LRP1B: variants seen among roughly 807,000 people sequenced by gnomAD.
LRP1B encodes the protein LDL receptor related protein 1B.
Under a neutral mutation model 556.6 loss-of-function variants are expected in LRP1B, and 217 were observed. That is an observed-to-expected ratio of 0.39 (90% CI 0.35 to 0.44). LRP1B has a LOEUF of 0.44. LRP1B is among the 20% of genes least tolerant of loss of function. The pLI is 1.00. For synonymous variants in LRP1B, 2,047 were observed against 1,865.8 expected (o/e 1.10, Z -2.50); for missense variants, 5,053 against 5,620.8 (o/e 0.90, Z 3.23).
chr2:141,822,390 A>G (rs1574400574), intron 1 of LRP1B, among the ~76,000 whole-genome samples: 1 of 152,290 alleles, frequency 6.6e-6, no homozygotes, highest in East Asian at 1.9e-4. Context: ...ATATACTACC[A>G]TGTTAAGGAA....
At chr2:141,564,222 A>G (rs1686256873) in intron 2 of LRP1B, among the ~76,000 whole-genome samples, 1 of 152,052 alleles carries the variant, frequency 6.6e-6, no homozygotes, top group Non-Finnish European at 1.5e-5. Context: ...ACTATAAGAG[A>G]GATAATGTGG....
chr2:141,092,730 C>T lies in LRP1B; in HGVS notation c.1014-30457G>A, dbSNP rs1433441954. ...CAGGATCAAGTGGGGTCCCTGAAGT[C>T]AAGTGAAGGAAGTGTTTCAAGGAGG... On this transcript the variant is annotated intron_variant, in intron 7 of 90. Transcript: ENST00000389484. 3.9e-5 allele frequency among the ~76,000 whole-genome samples: 6 copies of T among 152,130 alleles called. No homozygotes were observed. The East Asian group carries it at 1.2e-3, about 29-fold the overall frequency.
At chr2:140,921,924 ATTTGTACTT>A (rs1201197675) in intron 21 of LRP1B, among the ~76,000 whole-genome samples, 4 of 151,918 alleles carry the variant, frequency 2.6e-5, no homozygotes, top group Admixed American at 2.0e-4. Context: ...ACAACTTCTT[ATTTGTACTT>A]TTTGTTAGAA....
At chr2:141,113,383 C>A (rs1164922570) in intron 7 of LRP1B, among the ~76,000 whole-genome samples, 1 of 152,066 alleles carries the variant, frequency 6.6e-6, no homozygotes, top group Non-Finnish European at 1.5e-5. Context: ...GGGTGACTTG[C>A]CTTAAAACAA....
intron 2 of LRP1B, among the ~76,000 whole-genome samples, chr2:141,512,862 C>A (rs529597069): frequency 1.3e-5 from 2 of 152,150 alleles, no homozygotes; most frequent in Non-Finnish European, 2.9e-5. Flanking sequence ...ACATTCAAAT[C>A]TTTAAAATCA....
At position 140,301,663 on chromosome 2, in the gene LRP1B, A is replaced by G. The variant is rs1044290216; in HGVS notation, c.12806-3694T>C. Among the ~76,000 whole-genome samples, 12 of 152,090 alleles carry G rather than the reference A, an allele frequency of 7.9e-5. No homozygotes were observed. In the East Asian group the frequency reaches 1.3e-3, roughly 17 times the overall value. ...CTCAGAAAACAGGCCAGAATGCTCA[A>G]TGTGAATGTATTCCTCATATAAACT... is the stretch of plus-strand genomic sequence containing the variant. On this transcript the variant is annotated intron_variant, in intron 83 of 90. Coordinates refer to ENST00000389484, the MANE Select transcript of LRP1B (RefSeq NM_018557.3).
chr2:141,875,830 C>T (rs570882313), intron 1 of LRP1B, among the ~76,000 whole-genome samples: 98 of 151,724 alleles, frequency 6.5e-4, no homozygotes, highest in Non-Finnish European at 1.3e-3. Flanking sequence ...TGTATGTATG[C>T]GTATGTGTAG....
chr2:141,055,824 G>A (rs1699166078), intron 9 of LRP1B, among the ~76,000 whole-genome samples: 1 of 151,436 alleles, frequency 6.6e-6, no homozygotes, highest in African/African-American at 2.4e-5. Flanking sequence ...GTGTGTGTGT[G>A]TGTGTGTGTG....
At chr2:140,813,611 C>T (rs1691002880) in intron 32 of LRP1B, 46 bp downstream of exon 32, 5 of 1,576,782 alleles carry the variant, frequency 3.2e-6, no homozygotes, top group Non-Finnish European at 4.3e-6. Context: ...ATAAATCAAC[C>T]CCCAATCAAT....
chr2:141,677,611 TC>T (rs1690935240), intron 2 of LRP1B, among the ~76,000 whole-genome samples: 1 of 152,142 alleles, frequency 6.6e-6, no homozygotes, highest in South Asian at 2.1e-4. Context: ...TGCCTCAGCC[TC>T]CCTAGTAGCT....
intron 1 of LRP1B, among the ~76,000 whole-genome samples, chr2:142,102,646 TC>T (rs1296743711): frequency 6.6e-6 from 1 of 151,746 alleles, no homozygotes; most frequent in African/African-American, 2.4e-5. Flanking sequence ...AGAATGCAAA[TC>T]TTTTGCTATG....
At position 140,483,774 on chromosome 2, in the gene LRP1B, GGGA is replaced by G. The variant is rs199563177; in HGVS notation, c.9425+1566_9425+1568del. 8.1e-3 allele frequency among the ~76,000 whole-genome samples: 1,221 copies of G among 150,828 alleles called. 10 individuals carry two copies. Among genetic ancestry groups the G allele is most frequent in the Admixed American group, 0.024 (362 of 15,100 alleles). On this transcript the variant is annotated intron_variant, in intron 59 of 90. Transcript: ENST00000389484. ...TCATGCCTCAGTCTCCAAAGTAGCT[GGGA>G]TTACAGGTGTGCGCCACCACGCCTG...
At chr2:141,392,460 TA>T (rs10636398) in intron 3 of LRP1B, among the ~76,000 whole-genome samples, 2,559 of 96,038 alleles carry the variant, frequency 0.027, 88 homozygotes, top group African/African-American at 0.099. Flanking sequence ...TGTCCTCTCT[TA>T]AAAAAAAAAA....
chr2:140,758,049 G>A (rs78308646), intron 35 of LRP1B, among the ~76,000 whole-genome samples: 4,685 of 152,074 alleles, frequency 0.031, 229 homozygotes, highest in African/African-American at 0.11. Context: ...CCATTGACTT[G>A]TACATATGTA....
chr2:141,439,761 C>T (rs189487933), intron 3 of LRP1B, among the ~76,000 whole-genome samples: 1 of 152,226 alleles, frequency 6.6e-6, no homozygotes, highest in Middle Eastern at 3.4e-3. Context: ...CACACACAAC[C>T]TTGATGAGCA....
At chr2:141,734,443 A>G (rs1693390230) in intron 2 of LRP1B, among the ~76,000 whole-genome samples, 1 of 152,098 alleles carries the variant, frequency 6.6e-6, no homozygotes, top group South Asian at 2.1e-4. Context: ...TATGAAAAAC[A>G]CACAGGGAGA....
chr2:141,373,761 A>T (rs899012092), intron 3 of LRP1B, among the ~76,000 whole-genome samples: 38 of 152,194 alleles, frequency 2.5e-4, no homozygotes, highest in African/African-American at 8.9e-4. Flanking sequence ...AACCATTGAC[A>T]TACAAGGTTA....
At chr2:140,731,510 A>T (rs984517944) in intron 35 of LRP1B, among the ~76,000 whole-genome samples, 2 of 151,890 alleles carry the variant, frequency 1.3e-5, no homozygotes, top group African/African-American at 4.8e-5. Context: ...TTATTGAATC[A>T]GTTAAATAAG....
chr2:141,874,068 A>G (rs749005400), intron 1 of LRP1B, among the ~76,000 whole-genome samples: 1 of 150,544 alleles, frequency 6.6e-6, no homozygotes, highest in Non-Finnish European at 1.5e-5. Context: ...TAGTAAAACA[A>G]TACAATGAAC....
Sources: gnomAD v4.1 joint callset for allele counts (sites outside exome capture counted in the v4.1 genomes callset) on GRCh38, gnomAD v4.1.1 for gene constraint, MANE v1.5 for transcripts, NCBI Gene and HGNC (gene_info 2026-07-23, HGNC 2026-07-21) for gene names.